Variants in LRBA observed in about 807,000 individuals in gnomAD.
LRBA encodes lipopolysaccharide-responsive and beige-like anchor protein.
In LRBA, 176 loss-of-function variants were observed where a neutral mutation model predicts 330.0. That is an observed-to-expected ratio of 0.53 (90% CI 0.47 to 0.60). LRBA has a LOEUF of 0.60. LRBA is among the 20% of genes least tolerant of loss of function. The probability of loss-of-function intolerance (pLI) is 0.00; values close to 1 mark genes in which losing one functional copy is unlikely to be tolerated. For synonymous variants in LRBA, 1,230 were observed against 1,193.0 expected (o/e 1.03, Z -0.64); for missense variants, 3,259 against 3,444.8 (o/e 0.95, Z 1.35).
At chr4:150,521,929 T>C (rs1467533674) in intron 40 of LRBA, among the ~76,000 whole-genome samples, 1 of 152,188 alleles carries the variant, frequency 6.6e-6, no homozygotes, top group African/African-American at 2.4e-5. Flanking sequence ...ATAGAAAAAT[T>C]TTGAAATCTC....
At chr4:150,937,256 G>T (rs539650753) in intron 2 of LRBA, among the ~76,000 whole-genome samples, 38 of 152,104 alleles carry the variant, frequency 2.5e-4, no homozygotes, top group African/African-American at 8.9e-4. Context: ...CATGCACAGG[G>T]TCTACAGTAT....
intron 36 of LRBA, among the ~76,000 whole-genome samples, chr4:150,694,462 C>CAAAAAAAAAAATAAAAAAAAAAA: frequency 1.4e-5 from 1 of 71,044 alleles, no homozygotes; most frequent in African/African-American, 4.9e-5. Flanking sequence ...TGATCTTTAA[C>CAAAAAAAAAAATAAAAAAAAAAA]AAAAAAAAAA....
intron 35 of LRBA, among the ~76,000 whole-genome samples, chr4:150,749,418 T>TA (rs1733226052): frequency 6.6e-6 from 1 of 151,718 alleles, no homozygotes; most frequent in Non-Finnish European, 1.5e-5. Context: ...TTTAAAAAGA[T>TA]AAAGGAAAAA....
chr4:150,632,234 G>GAAA (rs33955499), intron 37 of LRBA, among the ~76,000 whole-genome samples: 1 of 136,966 alleles, frequency 7.3e-6, no homozygotes. Flanking sequence ...CTGTCTCAAG[G>GAAA]AAAAAAAAAA....
At chr4:150,305,461 C>A (rs1730236536) in intron 52 of LRBA, among the ~76,000 whole-genome samples, 2 of 152,136 alleles carry the variant, frequency 1.3e-5, no homozygotes, top group Admixed American at 6.6e-5. Context: ...CTATTAAGTG[C>A]CAAGCATTAG....
At chr4:150,489,083 T>TTA (rs1554038962) in intron 41 of LRBA, among the ~76,000 whole-genome samples, 12 of 31,966 alleles carry the variant, frequency 3.8e-4, no homozygotes, top group Admixed American at 4.8e-4. Context: ...ATATATAATA[T>TTA]TATATAAGAA....
intron 36 of LRBA, among the ~76,000 whole-genome samples, chr4:150,697,323 CAG>C (rs1784712878): frequency 6.7e-4 from 1 of 1,482 alleles, no homozygotes; most frequent in Non-Finnish European, 5.9e-3. Context: ...GACTTTGTCT[CAG>C]AAAAAAAAAA....
At chr4:150,359,304 G>A (rs894164167) in intron 47 of LRBA, among the ~76,000 whole-genome samples, 8 of 152,166 alleles carry the variant, frequency 5.3e-5, no homozygotes, top group African/African-American at 1.9e-4. Flanking sequence ...ATACTGAAAT[G>A]AGACATCCCT....
intron 17 of LRBA, among the ~76,000 whole-genome samples, chr4:150,891,979 C>G (rs1049553827): frequency 1.3e-5 from 2 of 152,272 alleles, no homozygotes; most frequent in African/African-American, 2.4e-5. Context: ...GTAGTCCCAG[C>G]TACTCAGGAG....
intron 37 of LRBA, among the ~76,000 whole-genome samples, chr4:150,659,043 C>A (rs1488101006): frequency 2.3e-5 from 3 of 128,710 alleles, no homozygotes; most frequent in Non-Finnish European, 3.4e-5. Flanking sequence ...GGCTGGAGTG[C>A]AGTGGCGTGA....
intron 47 of LRBA, among the ~76,000 whole-genome samples, chr4:150,364,569 C>G (rs186684801): frequency 2.6e-5 from 4 of 152,282 alleles, no homozygotes; most frequent in Non-Finnish European, 4.4e-5. Flanking sequence ...GATTACTTTT[C>G]ATTGGTTTCA....
Position 150,729,898 on chromosome 4 carries a change from A to T in LRBA, c.5754+5360T>A, listed in dbSNP as rs189669368. Reference sequence around the variant, plus strand: ...GCCAAGAACAAACATTGGAGAAAAGACACTCTCTTCAATATATGGCACTGG... The same window carrying T: ...GCCAAGAACAAACATTGGAGAAAAGTCACTCTCTTCAATATATGGCACTGG... On this transcript the variant is annotated intron_variant, in intron 36 of 56. Coordinates refer to ENST00000651943, the MANE Select transcript of LRBA (RefSeq NM_001364905.1). Among the ~76,000 whole-genome samples, 12 of 152,330 alleles carry T rather than the reference A, an allele frequency of 7.9e-5. No homozygotes were observed. The East Asian group carries it at 1.7e-3, about 22-fold the overall frequency.
chr4:150,698,261 A>T (rs1284442209), intron 36 of LRBA, among the ~76,000 whole-genome samples: 2 of 152,142 alleles, frequency 1.3e-5, no homozygotes, highest in Non-Finnish European at 2.9e-5. Flanking sequence ...TTATTTTAAA[A>T]TCCATTAAGA....
intron 36 of LRBA, among the ~76,000 whole-genome samples, chr4:150,731,784 C>T (rs184241124): frequency 1.3e-5 from 2 of 152,128 alleles, no homozygotes; most frequent in Non-Finnish European, 2.9e-5. Flanking sequence ...TTTGATAGCA[C>T]AACAGGAGAC....
intron 2 of LRBA, among the ~76,000 whole-genome samples, chr4:150,949,448 A>T (rs1217497550): frequency 1.3e-5 from 2 of 152,048 alleles, no homozygotes; most frequent in Non-Finnish European, 2.9e-5. Context: ...TAGCTGTAAG[A>T]GGGTAACAGG....
chr4:150,828,549 C>T lies in LRBA; in HGVS notation c.4802G>A (p.Arg1601Gln), dbSNP rs1746628891. 9 of 1,614,098 alleles carry T rather than the reference C, an allele frequency of 5.6e-6. No homozygotes were observed. The highest frequency in any genetic ancestry group is 1.1e-5 in the South Asian group (1 of 91,080). The change falls in exon 30 of 57, where the codon CGA (arginine) becomes CAA (glutamine). Residue 1601 changes from arginine to glutamine, a missense_variant. Physicochemically the swap from Arg to Gln is conservative, Grantham distance 43 (BLOSUM62 1). Coordinates refer to ENST00000651943, the MANE Select transcript of LRBA (RefSeq NM_001364905.1). ...TTCCCCAATGCCTGAGTCCCTCCTT[C>T]GAGCAGATGATGTGCTTTCAGATTC... The part of the protein sequence containing the change: ...VEESESTSSA[R>Q]RRDSGIGEET...
chr4:150,776,736 G>C (rs1737381875), intron 34 of LRBA, among the ~76,000 whole-genome samples: 1 of 150,828 alleles, frequency 6.6e-6, no homozygotes, highest in African/African-American at 2.4e-5. Context: ...TTTGAACCCA[G>C]GAGGCACAGG....
chr4:150,337,821 G>C lies in LRBA; in HGVS notation c.7363-11923C>G, dbSNP rs1260527348. On this transcript the variant is annotated intron_variant, in intron 48 of 56. Transcript: ENST00000651943. ...ACAAAGATTCTTGCGCCACCTGCTTGAAACAGGCTTACAGACCACTCCCCC... is the reference window on the plus strand; with the variant it reads ...ACAAAGATTCTTGCGCCACCTGCTTCAAACAGGCTTACAGACCACTCCCCC... Among the ~76,000 whole-genome samples the C allele has an allele frequency of 2.6e-5, 4 of 152,014 alleles. No homozygotes were observed. The East Asian group carries it at 7.7e-4, about 29-fold the overall frequency.
At chr4:150,547,538 T>C (rs1195222684) in intron 40 of LRBA, among the ~76,000 whole-genome samples, 5 of 152,156 alleles carry the variant, frequency 3.3e-5, no homozygotes, top group Non-Finnish European at 7.4e-5. Flanking sequence ...ATCTCCTTAA[T>C]TTTCTCCGCT....
Sources: gnomAD v4.1 joint callset for allele counts (sites outside exome capture counted in the v4.1 genomes callset) on GRCh38, gnomAD v4.1.1 for gene constraint, MANE v1.5 for transcripts, NCBI Gene and HGNC (gene_info 2026-07-23, HGNC 2026-07-21) for gene names.